RAPGEF4: variants seen among roughly 807,000 people sequenced by gnomAD.
The protein encoded by RAPGEF4 is RAP guanine-nucleotide-exchange factor (GEF) 4.
Under a neutral mutation model 147.9 loss-of-function variants are expected in RAPGEF4, and 66 were observed. The observed-to-expected ratio is 0.45, with a 90% CI of 0.37 to 0.55. RAPGEF4 has a LOEUF of 0.55. RAPGEF4 is among the 20% of genes least tolerant of loss of function. RAPGEF4 has a pLI of 0.00. For synonymous variants in RAPGEF4, 419 were observed against 442.7 expected, an observed-to-expected ratio of 0.95 and a Z score of 0.67; for missense variants, 1,071 against 1,257.3, an observed-to-expected ratio of 0.85 and a Z score of 2.24.
intron 4 of RAPGEF4, among the ~76,000 whole-genome samples, chr2:172,819,795 A>G (rs1688895168): frequency 6.6e-6 from 1 of 152,188 alleles, no homozygotes; most frequent in Non-Finnish European, 1.5e-5. Flanking sequence ...ATTATAATTT[A>G]CAATTTAAAC....
Position 173,018,741 on chromosome 2 carries a change from A to T in RAPGEF4, c.2094A>T (p.Ala698=). The T allele has an allele frequency of 6.2e-7, 1 of 1,614,154 alleles. No individual in the cohort carries two copies. The highest frequency in any genetic ancestry group is 8.5e-7 in the Non-Finnish European group (1 of 1,180,016). ...VATSVKEVIS[A]VADKLGSGEG... Reference sequence around the variant, plus strand: ...CTTCGGTGAAGGAAGTCATCAGTGCAGTTGCCGACAAGCTGGGCTCCGGGG... The same window carrying T: ...CTTCGGTGAAGGAAGTCATCAGTGCTGTTGCCGACAAGCTGGGCTCCGGGG... The change falls in exon 22 of 31, where the codon GCA becomes GCT. Residue 698 remains alanine (A), a synonymous_variant. Transcript: ENST00000397081.
rs186800155 is a variant in RAPGEF4 at position 173,042,712 on chromosome 2, A to T, written c.2854-5888A>T. 4.8e-4 allele frequency among the ~76,000 whole-genome samples: 73 copies of T among 152,116 alleles called. No individual in the cohort carries two copies. Among genetic ancestry groups the T allele is most frequent in the African/African-American group, 1.6e-3 (66 of 41,514 alleles). On this transcript the variant is annotated intron_variant, in intron 29 of 30. Coordinates refer to ENST00000397081, the MANE Select transcript of RAPGEF4 (RefSeq NM_007023.4). The surrounding 1 kb of genome is among the most constrained non-coding windows in gnomAD (Gnocchi z 4.2). ...ACATTATAAAAGATGACTTTCCCTT[A>T]GCCTCTGTTCCTAACCAGACATTAT...
intron 1 of RAPGEF4, among the ~76,000 whole-genome samples, chr2:172,788,907 A>AAAATG (rs1241070829): frequency 2.0e-5 from 3 of 152,078 alleles, no homozygotes; most frequent in Admixed American, 6.5e-5. Context: ...AAAATAAAAT[A>AAAATG]AAATAAAATA....
chr2:172,811,875 C>A (rs1478860702), intron 3 of RAPGEF4, among the ~76,000 whole-genome samples: 1 of 152,204 alleles, frequency 6.6e-6, no homozygotes, highest in African/African-American at 2.4e-5. Context: ...ACTCTCGCAG[C>A]ACATTGCAAG....
At chr2:172,821,891 A>G (rs1258207021) in intron 4 of RAPGEF4, 4 of 1,609,608 alleles carry the variant, frequency 2.5e-6, no homozygotes, top group African/African-American at 2.7e-5. Flanking sequence ...ATGAAGGTAC[A>G]TTTTGCTGAT....
intron 17 of RAPGEF4, among the ~76,000 whole-genome samples, chr2:173,002,871 T>A (rs1694072385): frequency 1.3e-5 from 2 of 152,210 alleles, no homozygotes; most frequent in South Asian, 4.1e-4. Flanking sequence ...ATACATTATA[T>A]ATTTTTTCTG....
chr2:172,789,142 T>A (rs1685546703), intron 1 of RAPGEF4, among the ~76,000 whole-genome samples: 2 of 152,204 alleles, frequency 1.3e-5, no homozygotes, highest in African/African-American at 4.8e-5. Flanking sequence ...AACCTCTCAC[T>A]CCTTCCATTC....
intron 3 of RAPGEF4, among the ~76,000 whole-genome samples, chr2:172,804,197 G>A (rs975679964): frequency 1.3e-5 from 2 of 152,028 alleles, no homozygotes; most frequent in Admixed American, 6.6e-5. Flanking sequence ...AAGAATACAT[G>A]GGGTGTAACT....
At chr2:172,865,759 A>G (rs1694566977) in intron 4 of RAPGEF4, among the ~76,000 whole-genome samples, 2 of 152,102 alleles carry the variant, frequency 1.3e-5, no homozygotes, top group Non-Finnish European at 2.9e-5. Context: ...AGGACGAGTC[A>G]TAGATGGTTG....
chr2:172,966,734 T>C (rs1261354395), intron 9 of RAPGEF4, among the ~76,000 whole-genome samples: 1 of 152,244 alleles, frequency 6.6e-6, no homozygotes, highest in Admixed American at 6.5e-5. Context: ...TCTAGAAACC[T>C]GGTCTGGTCA....
chr2:173,005,786 G>A (rs1484060296), intron 17 of RAPGEF4, among the ~76,000 whole-genome samples: 1 of 152,116 alleles, frequency 6.6e-6, no homozygotes, highest in Non-Finnish European at 1.5e-5. Flanking sequence ...CTCCCAAAGT[G>A]CTGGGATTAC....
intron 4 of RAPGEF4, among the ~76,000 whole-genome samples, chr2:172,849,208 C>T (rs1692552268): frequency 6.6e-6 from 1 of 151,790 alleles, no homozygotes; most frequent in Non-Finnish European, 1.5e-5. Flanking sequence ...GGTTTACTGC[C>T]AAAACCTTAG....
At chr2:172,815,544 G>A (rs1688418725) in intron 4 of RAPGEF4, among the ~76,000 whole-genome samples, 1 of 152,218 alleles carries the variant, frequency 6.6e-6, no homozygotes, top group Admixed American at 6.5e-5. Context: ...GTTTGCATGA[G>A]GTGTATGTGG....
rs17852174 is a variant in RAPGEF4 at position 173,020,657 on chromosome 2, C to T, written c.2195C>T (p.Thr732Met). 2.5e-6 allele frequency: 4 copies of T among 1,613,686 alleles called. No homozygotes were observed. Among genetic ancestry groups the T allele is most frequent in the South Asian group, 1.1e-5 (1 of 90,940 alleles). ...AAACCTAATGATGTTTCAGTATTTA[C>T]GACGCTCACCATTAATGGACGCCTG... is the stretch of plus-strand genomic sequence containing the variant. Reference protein sequence around the residue: ...VLKPNDVSVFTTLTINGRLFA... With the variant: ...VLKPNDVSVFMTLTINGRLFA... The change falls in exon 23 of 31, where the codon ACG (threonine) becomes ATG (methionine). Residue 732 changes from threonine (T) to methionine (M), a missense_variant. By Grantham distance (81) the Thr-to-Met change is moderately conservative. Transcript: ENST00000397081.
chr2:172,942,769 T>C (rs923905280), intron 6 of RAPGEF4, among the ~76,000 whole-genome samples: 1 of 152,138 alleles, frequency 6.6e-6, no homozygotes, highest in African/African-American at 2.4e-5. Flanking sequence ...AACGTATTTT[T>C]ATTTAACCTA....
At chr2:172,747,763 C>A (rs1442953738) in intron 1 of RAPGEF4, among the ~76,000 whole-genome samples, 1 of 152,166 alleles carries the variant, frequency 6.6e-6, no homozygotes, top group African/African-American at 2.4e-5. Context: ...GTGTCCAGCC[C>A]AGAATTTATT....
At chr2:172,756,226 C>A (rs1366865889) in intron 1 of RAPGEF4, among the ~76,000 whole-genome samples, 1 of 152,180 alleles carries the variant, frequency 6.6e-6, no homozygotes, top group East Asian at 1.9e-4. Context: ...AGAATTTTAA[C>A]ACCAAAGAAG....
intron 4 of RAPGEF4, chr2:172,821,541 C>T: frequency 1.0e-6 from 1 of 965,284 alleles, no homozygotes; most frequent in Non-Finnish European, 1.2e-6. Context: ...CAGCCACACA[C>T]ATCCTGTTGG....
intron 17 of RAPGEF4, among the ~76,000 whole-genome samples, chr2:173,011,172 A>ACACG (rs1694989519): frequency 3.6e-5 from 1 of 27,780 alleles, no homozygotes; most frequent in Non-Finnish European, 8.5e-5. Context: ...GCGCGCGCGC[A>ACACG]CACACACACA....
Sources: allele counts gnomAD v4.1 joint callset (sites outside exome capture counted in the v4.1 genomes callset), GRCh38; gene constraint gnomAD v4.1.1; non-coding constraint Gnocchi (gnomAD v3.1); transcripts MANE v1.5; gene names NCBI Gene and HGNC (gene_info 2026-07-23, HGNC 2026-07-21).